UBR2: variants seen among roughly 807,000 people sequenced by gnomAD.
UBR2 encodes ubiquitin protein ligase E3 component n-recognin 2, also known as E3 ubiquitin-protein ligase UBR2.
Under a neutral mutation model 247.9 loss-of-function variants are expected in UBR2, and 92 were observed. The ratio of observed to expected loss-of-function variants is 0.37; its 90% CI spans 0.31 to 0.44. The LOEUF is 0.44. UBR2 is among the 20% of genes least tolerant of loss of function. The pLI is 1.00. For synonymous variants in UBR2, 672 were observed against 693.5 expected (o/e 0.97, Z 0.49); for missense variants, 1,613 against 2,112.6 (o/e 0.76, Z 4.64).
chr6:42,666,183 G>A lies in UBR2; in HGVS notation c.3819G>A (p.Lys1273=). The A allele has an allele frequency of 6.2e-7, 1 of 1,612,150 alleles. No homozygotes were observed. The part of the protein sequence containing the change: ...EESTPNNAST[K]NSENVDELQL... ...TTTCTATAGATAATGCCTCTACAAA[G>A]AATTCAGAAAATGTGGATGAATTAC... is the stretch of plus-strand genomic sequence containing the variant. Residue 1273 remains lysine, a synonymous_variant, in exon 34 of 47, where the codon AAG becomes AAA. Coordinates refer to ENST00000372901, the MANE Select transcript of UBR2 (RefSeq NM_001363705.2).
chr6:42,676,664 C>G (rs1470654519), intron 39 of UBR2, 119 bp from the exon 40 acceptor site: 1 of 799,114 alleles, frequency 1.3e-6, no homozygotes, highest in Non-Finnish European at 2.0e-6. Flanking sequence ...TGCATGTTTT[C>G]TAGGAATACT....
chr6:42,684,849 A>T lies in UBR2; in HGVS notation c.4831A>T (p.Ile1611Phe). 1 of 1,612,948 alleles carries T rather than the reference A, an allele frequency of 6.2e-7. No homozygotes were observed. Among genetic ancestry groups the T allele is most frequent in the Non-Finnish European group, 8.5e-7 (1 of 1,179,336 alleles). Residue 1611 changes from isoleucine to phenylalanine, a missense_variant, in exon 44 of 47, where the codon ATT becomes TTT. Coordinates refer to ENST00000372901, the MANE Select transcript of UBR2 (RefSeq NM_001363705.2). Reference sequence around the variant, plus strand: ...CCTTCCAGAGGATTACAGCAGCCTCATTAATCAAGCATCCAATTTCTCGTA... The same window carrying T: ...CCTTCCAGAGGATTACAGCAGCCTCTTTAATCAAGCATCCAATTTCTCGTA... ...INLPEDYSSL[I>F]NQASNFSCPK...
At chr6:42,615,219 A>G (rs1794464811) in intron 9 of UBR2, 41 bp downstream of exon 9, 4 of 1,455,512 alleles carry the variant, frequency 2.7e-6, no homozygotes, top group African/African-American at 1.4e-5. Context: ...AGGAACCTAT[A>G]TAAGTAATTG....
At chr6:42,668,504 A>G (rs1271965713) in intron 34 of UBR2, among the ~76,000 whole-genome samples, 1 of 152,084 alleles carries the variant, frequency 6.6e-6, no homozygotes, top group Non-Finnish European at 1.5e-5. Flanking sequence ...CAGTGGCACA[A>G]TCTCAGTTCA....
chr6:42,586,931 C>CT (rs1792325225), intron 2 of UBR2, among the ~76,000 whole-genome samples: 1 of 151,206 alleles, frequency 6.6e-6, no homozygotes, highest in Non-Finnish European at 1.5e-5. Flanking sequence ...AGTGATTCTC[C>CT]TGCCTCAGCC....
At chr6:42,636,182 G>T (rs77433510) in intron 14 of UBR2, among the ~76,000 whole-genome samples, 1,163 of 109,750 alleles carry the variant, frequency 0.011, 53 homozygotes, top group Middle Eastern at 0.022. Flanking sequence ...TTTTTTTTTT[G>T]TTTTTTTTTT....
rs573327030 is a variant in UBR2, at chr6:42,658,283, G to A, written c.3026G>A (p.Ser1009Asn). 3.4e-5 allele frequency: 55 copies of A among 1,613,678 alleles called. No individual in the cohort carries two copies. Among genetic ancestry groups the A allele is most frequent in the Non-Finnish European group, 4.7e-5 (55 of 1,179,960 alleles). ...VKKMRESSPT[S>N]PVAETEGTIM... ...AAGATGAGGGAGAGTTCACCTACCA[G>A]TCCCGTGGCAGAGACAGAAGGAACC... The change falls in exon 28 of 47, where the codon AGT becomes AAT. Residue 1009 changes from serine (S) to asparagine (N), a missense_variant. Coordinates refer to ENST00000372901, the MANE Select transcript of UBR2 (RefSeq NM_001363705.2).
chr6:42,673,722 G>A, intron 36 of UBR2, 69 bp from the exon 37 acceptor site: 2 of 1,140,784 alleles, frequency 1.8e-6, no homozygotes, highest in Non-Finnish European at 2.6e-6. Context: ...GCTGTGCTCT[G>A]AACTAGCATT....
chr6:42,614,197 A>C (rs1242844917), intron 8 of UBR2, among the ~76,000 whole-genome samples: 1 of 83,502 alleles, frequency 1.2e-5, no homozygotes, highest in Non-Finnish European at 2.3e-5. Flanking sequence ...AAAAAAAAAA[A>C]AAAAAAAACT....
At chr6:42,597,924 A>G (rs1234929441) in intron 4 of UBR2, among the ~76,000 whole-genome samples, 1 of 152,098 alleles carries the variant, frequency 6.6e-6, no homozygotes, top group Non-Finnish European at 1.5e-5. Flanking sequence ...AAAAACCAAA[A>G]AAAAAAAGAG....
rs76440750 is a variant in UBR2 at position 42,570,974 on chromosome 6, A to T, written c.79-2760A>T. The stretch of plus-strand genomic sequence containing the variant: ...TGCTGGGATTACAGGCATGAGCCAA[A>T]GAGCCTGGCCGATTTTTTTTTTTTT... On this transcript the variant is annotated intron_variant, in intron 1 of 46. Coordinates refer to ENST00000372901, the MANE Select transcript of UBR2 (RefSeq NM_001363705.2). Among the ~76,000 whole-genome samples the T allele has an allele frequency of 8.2e-3, 1,247 of 151,540 alleles. 12 individuals carry two copies. The highest frequency in any genetic ancestry group is 0.027 in the African/African-American group (1,106 of 41,338).
intron 4 of UBR2, among the ~76,000 whole-genome samples, chr6:42,599,597 G>A (rs923266388): frequency 6.8e-6 from 1 of 147,240 alleles, no homozygotes; most frequent in African/African-American, 2.6e-5. Flanking sequence ...GCATGGTTTG[G>A]GGTTTTGTTT....
chr6:42,637,343 T>A, intron 15 of UBR2, 149 bp downstream of exon 15: 1 of 916,040 alleles, frequency 1.1e-6, no homozygotes, highest in East Asian at 2.7e-5. Context: ...TCCTGTGAAG[T>A]AGGTATTATT....
At chr6:42,564,927 GCTAT>G (rs1203842117) in intron 1 of UBR2, among the ~76,000 whole-genome samples, 1 of 152,046 alleles carries the variant, frequency 6.6e-6, no homozygotes, top group East Asian at 1.9e-4. Context: ...CCGTTTCAGT[GCTAT>G]CTTTTTTTTT....
chr6:42,677,297 G>A (rs1798768830), intron 40 of UBR2, among the ~76,000 whole-genome samples: 1 of 152,178 alleles, frequency 6.6e-6, no homozygotes, highest in Admixed American at 6.5e-5. Flanking sequence ...AGAATTCCAT[G>A]TATGGTTAGA....
intron 2 of UBR2, among the ~76,000 whole-genome samples, chr6:42,587,299 A>G (rs1792354220): frequency 6.6e-6 from 1 of 152,074 alleles, no homozygotes; most frequent in Admixed American, 6.6e-5. Flanking sequence ...TTTTTCTGTA[A>G]AGATCCAAGT....
At chr6:42,632,069 A>AAATATATATATATATAT (rs56721828) in intron 11 of UBR2, among the ~76,000 whole-genome samples, 15 of 114,078 alleles carry the variant, frequency 1.3e-4, no homozygotes, top group African/African-American at 4.7e-4. Flanking sequence ...AAAAAAAAAA[A>AAATATATATATATATAT]ATATATATAT....
intron 22 of UBR2, 32 bp downstream of exon 22, chr6:42,648,202 T>G: frequency 6.3e-7 from 1 of 1,589,566 alleles, no homozygotes; most frequent in Non-Finnish European, 8.6e-7. Context: ...TCACATTCTT[T>G]TTTACTTTTC....
Position 42,652,639 on chromosome 6 carries a change from G to A in UBR2, c.2763G>A (p.Leu921=), listed in dbSNP as rs199954277. The change falls in exon 25 of 47, where the codon CTG becomes CTA. Residue 921 remains leucine (L), a synonymous_variant. Coordinates refer to ENST00000372901, the MANE Select transcript of UBR2 (RefSeq NM_001363705.2). ...GATATGCCTGGTCAGAGTCCATGCT[G>A]CAAAGGGTAGGTTTGAAGACATTTA... is the stretch of plus-strand genomic sequence containing the variant. ...HNGYAWSESM[L]QRVLHLIGMA... 8.7e-6 allele frequency: 14 copies of A among 1,609,234 alleles called. No individual in the cohort carries two copies. Among genetic ancestry groups the A allele is most frequent in the Admixed American group, 1.7e-5 (1 of 58,696 alleles).
Sources: gnomAD v4.1 joint callset for allele counts (sites outside exome capture counted in the v4.1 genomes callset) on GRCh38, gnomAD v4.1.1 for gene constraint, MANE v1.5 for transcripts, NCBI Gene and HGNC (gene_info 2026-07-23, HGNC 2026-07-21) for gene names.